CCDC122: variants seen among roughly 807,000 people sequenced by gnomAD.
CCDC122 encodes the protein coiled-coil domain-containing protein 122.
Under a neutral mutation model 37.0 loss-of-function variants are expected in CCDC122, and 38 were observed. The ratio of observed to expected loss-of-function variants is 1.03; its 90% CI spans 0.79 to 1.35. The LOEUF (loss-of-function observed/expected upper bound fraction) is 1.35, where lower values mean the gene tolerates loss of function less well. Among genes scored for constraint, CCDC122 ranks in the 40% most tolerant of loss-of-function variants. The pLI is 0.00. For missense variants in CCDC122, 305 were observed against 310.0 expected (o/e 0.98, Z 0.12); for synonymous variants, 83 against 95.6 (o/e 0.87, Z 0.77).
At chr13:43,872,508 C>T (rs1296924454) in intron 2 of CCDC122, among the ~76,000 whole-genome samples, 2 of 152,110 alleles carry the variant, frequency 1.3e-5, no homozygotes, top group Admixed American at 6.6e-5. Flanking sequence ...AAACCTCTCA[C>T]ACCTCTTTTC....
rs143954944 is a variant in CCDC122 at position 43,845,794 on chromosome 13, T to C, written c.673-8365A>G. On this transcript the variant is annotated intron_variant, in intron 6 of 6. Coordinates refer to ENST00000444614, the MANE Select transcript of CCDC122 (RefSeq NM_144974.5). ...TGGGAACAAAGTCCACCAACTGTTG[T>C]TTATCAATACATTTTAAAAATTCAA... 5.3e-4 allele frequency among the ~76,000 whole-genome samples: 80 copies of C among 152,362 alleles called. 1 individual carries two copies. In the East Asian group the frequency reaches 0.013, roughly 24 times the overall value.
rs1953187163 is a variant in CCDC122, at chr13:43,837,041, C to G, written c.*239G>C. The G allele has an allele frequency of 1.1e-5, 5 of 437,580 alleles. No homozygotes were observed. The South Asian group carries it at 2.0e-4, about 17-fold the overall frequency. 27.1% of individuals were successfully genotyped at this position (437,580 alleles called of 1,614,324 possible). A position where few individuals can be genotyped will look rare whatever the true frequency, so the allele number is the denominator to read the frequency against. Reference sequence around the variant, plus strand: ...CACACTCCAAATAGTCACAGAGACTCTTGCATTATTTTCCCGTAGACATTC... The same window carrying G: ...CACACTCCAAATAGTCACAGAGACTGTTGCATTATTTTCCCGTAGACATTC... On this transcript the variant is annotated 3_prime_UTR_variant, in exon 7 of 7. Coordinates refer to ENST00000444614, the MANE Select transcript of CCDC122 (RefSeq NM_144974.5).
At chr13:43,846,879 C>T (rs1042918646) in intron 6 of CCDC122, among the ~76,000 whole-genome samples, 22 of 148,628 alleles carry the variant, frequency 1.5e-4, no homozygotes, top group Admixed American at 1.0e-3. Context: ...ATCCACAAGA[C>T]AGTATAAAAT....
At chr13:43,855,563 G>A (rs891774151) in intron 6 of CCDC122, 3 of 152,094 alleles carry the variant, frequency 2.0e-5, no homozygotes, top group Admixed American at 1.3e-4. Context: ...GCAATGTATA[G>A]ATTTGATGCT....
At chr13:43,820,638 T>A (rs565531096), downstream of CCDC122, among the ~76,000 whole-genome samples, 3 of 152,346 alleles carry the variant, frequency 2.0e-5, no homozygotes, top group African/African-American at 7.2e-5. Flanking sequence ...GGCTTCTTAT[T>A]CTAAAAATTG....
chr13:43,828,388 A>G (rs892358377), intron 3 of CCDC122, among the ~76,000 whole-genome samples: 1 of 152,226 alleles, frequency 6.6e-6, no homozygotes, highest in Non-Finnish European at 1.5e-5. Flanking sequence ...GAGAACTTAT[A>G]CTTGCTTTGC....
rs1445512381 is a variant in CCDC122, at chr13:43,837,409, A to C, written c.693T>G (p.Asp231Glu). The change falls in exon 7 of 7, where the codon GAT becomes GAG. Residue 231 changes from aspartate (D) to glutamate (E), a missense_variant. Transcript: ENST00000444614. The part of the protein sequence containing the change: ...KEIEVQHKRY[D>E]AILKRLHCQV... Reference sequence around the variant, plus strand: ...GACAATGCAAACGCTTAAGAATTGCATCATACCTCTTATGTTGTACCTATC... The same window carrying C: ...GACAATGCAAACGCTTAAGAATTGCCTCATACCTCTTATGTTGTACCTATC... 1 of 1,613,916 alleles carries C rather than the reference A, an allele frequency of 6.2e-7. No individual in the cohort carries two copies. Among genetic ancestry groups the C allele is most frequent in the Non-Finnish European group, 8.5e-7 (1 of 1,180,022 alleles).
rs150083908 is a variant in CCDC122 at position 43,856,397 on chromosome 13, G to A, written c.672+2384C>T. ...TGTAATCCCAACACTTTGGGAGGCCGAGGCGGGTGGATCATGAGGTCAGGA... is the reference window on the plus strand; with the variant it reads ...TGTAATCCCAACACTTTGGGAGGCCAAGGCGGGTGGATCATGAGGTCAGGA... On this transcript the variant is annotated intron_variant, in intron 6 of 6. Coordinates refer to ENST00000444614, the MANE Select transcript of CCDC122 (RefSeq NM_144974.5). 6.5e-3 allele frequency: 993 copies of A among 152,378 alleles called. 36 individuals carry two copies. In the South Asian group the frequency reaches 0.098, roughly 15 times the overall value. The allele number at this position is 152,378 out of a possible 1,614,324, so 9.4% of individuals were successfully genotyped here. A position where few individuals can be genotyped will look rare whatever the true frequency, so the allele number is the denominator to read the frequency against.
At chr13:43,837,457 G>C in intron 6 of CCDC122, 28 bp from the exon 7 acceptor site, 1 of 1,589,014 alleles carries the variant, frequency 6.3e-7, no homozygotes, top group Non-Finnish European at 8.5e-7. Flanking sequence ...CACATCAACA[G>C]GGCTTGTGAA....
intron 4 of CCDC122, among the ~76,000 whole-genome samples, chr13:43,863,907 G>T (rs916406453): frequency 6.6e-6 from 1 of 152,024 alleles, no homozygotes; most frequent in Non-Finnish European, 1.5e-5. Flanking sequence ...TCATATTAAA[G>T]AAATCATTGC....
At chr13:43,874,267 C>T (rs1954537753) in intron 2 of CCDC122, among the ~76,000 whole-genome samples, 2 of 152,078 alleles carry the variant, frequency 1.3e-5, no homozygotes, top group South Asian at 4.2e-4. Context: ...ATATTAGTGC[C>T]TGCTTCATTA....
chr13:43,848,153 T>C (rs933325872), intron 6 of CCDC122, among the ~76,000 whole-genome samples: 2 of 152,238 alleles, frequency 1.3e-5, no homozygotes, highest in African/African-American at 4.8e-5. Flanking sequence ...AATGCATTTG[T>C]TAATTATATA....
rs1338922715 is a variant in CCDC122, at chr13:43,868,678, T to A, written c.156+16A>T. ...AAGAAAGTAAAGACATTTAAAAGAC[T>A]ATATAAAGAAGTTACCTTCAAATTG... On this transcript the variant is annotated intron_variant, in intron 4 of 6. Transcript: ENST00000444614. 2 of 1,315,730 alleles carry A rather than the reference T, an allele frequency of 1.5e-6. No individual in the cohort carries two copies. Among genetic ancestry groups the A allele is most frequent in the South Asian group, 2.7e-5 (2 of 72,980 alleles). The allele number at this position is 1,315,730 out of a possible 1,614,324, so 81.5% of individuals were successfully genotyped here.
chr13:43,845,544 C>T (rs1259485416), intron 6 of CCDC122, among the ~76,000 whole-genome samples: 2 of 152,210 alleles, frequency 1.3e-5, no homozygotes, highest in African/African-American at 4.8e-5. Context: ...AACCCCATCT[C>T]TACTAAAAAT....
chr13:43,827,342 T>A (rs1953049464), intron 3 of CCDC122, among the ~76,000 whole-genome samples: 1 of 152,238 alleles, frequency 6.6e-6, no homozygotes, highest in South Asian at 2.1e-4. Flanking sequence ...TGTTCTTTTA[T>A]AAATCATAAG....
intron 2 of CCDC122, among the ~76,000 whole-genome samples, chr13:43,871,760 G>GAA (rs1954460027): frequency 6.6e-6 from 1 of 152,076 alleles, no homozygotes; most frequent in African/African-American, 2.4e-5. Flanking sequence ...CACTAAGTCT[G>GAA]GAGATGAAAC....
intron 5 of CCDC122, 27 bp downstream of exon 5, chr13:43,859,645 A>C (rs1442674602): frequency 1.4e-6 from 2 of 1,448,934 alleles, no homozygotes; most frequent in Non-Finnish European, 1.8e-6. Context: ...AATAGAAAAA[A>C]TAGTTTTACT....
At chr13:43,831,061 G>C (rs9525852) in intron 3 of CCDC122, among the ~76,000 whole-genome samples, 77,228 of 152,042 alleles carry the variant, frequency 0.51, 20,844 homozygotes, top group Non-Finnish European at 0.62. Flanking sequence ...TTTCTGAATT[G>C]AATGTTTTAT....
chr13:43,824,711 A>C (rs1283031983), intron 3 of CCDC122, among the ~76,000 whole-genome samples: 1 of 152,236 alleles, frequency 6.6e-6, no homozygotes, highest in African/African-American at 2.4e-5. Context: ...ACAAGAAAAA[A>C]TCAACCCCAT....
Sources: gnomAD v4.1 joint callset for allele counts (sites outside exome capture counted in the v4.1 genomes callset) on GRCh38, gnomAD v4.1.1 for gene constraint, MANE v1.5 for transcripts, NCBI Gene and HGNC (gene_info 2026-07-23, HGNC 2026-07-21) for gene names.